Variants in PRUNE2 observed in about 807,000 individuals in gnomAD.
PRUNE2 encodes protein prune homolog 2.
PRUNE2 carries 164 observed loss-of-function variants against 252.0 expected under a neutral mutation model. The ratio of observed to expected loss-of-function variants is 0.65; its 90% confidence interval spans 0.57 to 0.74. The LOEUF is 0.74. PRUNE2 is among the 30% of genes least tolerant of loss of function. The pLI, the probability that PRUNE2 is intolerant of heterozygous loss-of-function variation, is 0.00. For missense variants in PRUNE2, 3,495 were observed against 3,711.0 expected (o/e 0.94, Z 1.51); for synonymous variants, 1,292 against 1,350.2 (o/e 0.96, Z 0.94).
intron 6 of PRUNE2, among the ~76,000 whole-genome samples, chr9:76,816,798 AG>A (rs1436435772): frequency 1.3e-5 from 2 of 152,232 alleles, no homozygotes; most frequent in African/African-American, 4.8e-5. Context: ...AAATTTGAAA[AG>A]GCTAAATCAC....
chr9:76,867,335 C>A (rs190400693), intron 1 of PRUNE2, among the ~76,000 whole-genome samples: 1 of 151,158 alleles, frequency 6.6e-6, no homozygotes, highest in African/African-American at 2.4e-5. Context: ...AAAGAAAAAA[C>A]GAACCGCATC....
intron 6 of PRUNE2, among the ~76,000 whole-genome samples, chr9:76,767,222 T>A (rs1295181918): frequency 1.3e-5 from 2 of 151,968 alleles, no homozygotes; most frequent in Non-Finnish European, 2.9e-5. Context: ...GAGGCCGAGG[T>A]GGGCAGATCA....
chr9:76,885,724 C>T (rs2062047166), intron 1 of PRUNE2, among the ~76,000 whole-genome samples: 1 of 152,122 alleles, frequency 6.6e-6, no homozygotes, highest in African/African-American at 2.4e-5. Context: ...TGACTCCACC[C>T]CTTCCTGCCT....
intron 1 of PRUNE2, among the ~76,000 whole-genome samples, chr9:76,894,757 C>T (rs1293825179): frequency 6.8e-6 from 1 of 146,470 alleles, no homozygotes; most frequent in African/African-American, 2.6e-5. Context: ...CGGTGGCTCA[C>T]ACCTGTAATC....
rs2046456009 is a variant in PRUNE2, at chr9:76,708,327, C to G, written c.3947G>C (p.Trp1316Ser). 1 of 1,613,740 alleles carries G rather than the reference C, an allele frequency of 6.2e-7. No homozygotes were observed. The change falls in exon 8 of 19, where the codon TGG (tryptophan) becomes TCG (serine). Residue 1316 changes from tryptophan (W) to serine (S), a missense_variant. By Grantham distance (177) the Trp-to-Ser change is radical. Transcript: ENST00000376718. ...ACTTTGTCCATCGCCATGACCTTTC[C>G]ATGGATCTGGGTGTGGAAAATACCC... ...NPGYFPHPDP[W>S]KGHGDGQSES...
At chr9:76,792,384 C>T (rs543352313) in intron 6 of PRUNE2, among the ~76,000 whole-genome samples, 1 of 152,292 alleles carries the variant, frequency 6.6e-6, no homozygotes, top group Non-Finnish European at 1.5e-5. Context: ...CTTTTATAAA[C>T]TACCCAATCT....
chr9:76,794,914 A>C (rs1465452397), intron 6 of PRUNE2, among the ~76,000 whole-genome samples: 1 of 152,190 alleles, frequency 6.6e-6, no homozygotes, highest in African/African-American at 2.4e-5. Flanking sequence ...CAATTATTAT[A>C]ATTATTATTA....
chr9:76,825,223 T>C (rs112050166), intron 5 of PRUNE2, among the ~76,000 whole-genome samples: 2 of 152,196 alleles, frequency 1.3e-5, no homozygotes, highest in African/African-American at 4.8e-5. Context: ...TGATTTGTAG[T>C]GTTTGTCAAT....
chr9:76,631,198 G>C (rs146265427), intron 15 of PRUNE2, among the ~76,000 whole-genome samples: 2 of 152,252 alleles, frequency 1.3e-5, no homozygotes, highest in African/African-American at 2.4e-5. Context: ...AGCTAAATAC[G>C]GTTTTGATAA....
chr9:76,628,033 A>C (rs771068422), intron 16 of PRUNE2, among the ~76,000 whole-genome samples: 4 of 152,270 alleles, frequency 2.6e-5, no homozygotes, highest in Admixed American at 1.3e-4. Context: ...ACATTTTGCT[A>C]TCCATTTTAT....
At chr9:76,715,224 T>A (rs2047046147) in intron 6 of PRUNE2, among the ~76,000 whole-genome samples, 2 of 152,188 alleles carry the variant, frequency 1.3e-5, no homozygotes, top group Non-Finnish European at 2.9e-5. Flanking sequence ...GGTCATTCTT[T>A]GAAACTCGTG....
chr9:76,796,150 T>C lies in PRUNE2; in HGVS notation c.756+27482A>G, dbSNP rs369037741. Among the ~76,000 whole-genome samples the C allele has an allele frequency of 6.6e-5, 10 of 152,332 alleles. No homozygotes were observed. In the East Asian group the frequency reaches 1.7e-3, roughly 26 times the overall value. On this transcript the variant is annotated intron_variant, in intron 6 of 18. Coordinates refer to ENST00000376718, the MANE Select transcript of PRUNE2 (RefSeq NM_015225.3). ...TGATCACTCATAAAATTTTGCCAGG[T>C]AAATTGCTTAAGAACGCACAGCACT...
At chr9:76,774,453 T>TTTTTATTTATTTATTTATTTTA (rs1554761597) in intron 6 of PRUNE2, among the ~76,000 whole-genome samples, 4 of 122,308 alleles carry the variant, frequency 3.3e-5, no homozygotes, top group East Asian at 4.9e-4. Context: ...TTCAACCCTT[T>TTTTTATTTATTTATTTATTTTA]TTTTTTTTTT....
intron 4 of PRUNE2, among the ~76,000 whole-genome samples, chr9:76,839,158 T>C (rs11791165): frequency 0.19 from 28,165 of 151,934 alleles, 3,354 homozygotes; most frequent in African/African-American, 0.32. Context: ...ATTAAAGTAT[T>C]ATAGCATTAA....
In PRUNE2 at chr9:76,663,075, A is replaced by C. The variant is rs530592661; in HGVS notation, c.8277-7573T>G. On this transcript the variant is annotated intron_variant, in intron 9 of 18. Transcript: ENST00000376718. ...GCTGCTCCATTTAAGCCAGCAGTAC[A>C]TGGCACCCTGTGAACCACAGAGTAC... Among the ~76,000 whole-genome samples, 71 of 152,372 alleles carry C rather than the reference A, an allele frequency of 4.7e-4. No individual in the cohort carries two copies. In the Middle Eastern group the frequency reaches 0.01, roughly 22 times the overall value.
chr9:76,903,159 GAC>G (rs2063281360), intron 1 of PRUNE2, among the ~76,000 whole-genome samples: 1 of 152,118 alleles, frequency 6.6e-6, no homozygotes, highest in African/African-American at 2.4e-5. Context: ...CAGAAAAAAA[GAC>G]ACACAATTTT....
At chr9:76,661,511 G>A (rs2133606296) in intron 9 of PRUNE2, among the ~76,000 whole-genome samples, 1 of 152,290 alleles carries the variant, frequency 6.6e-6, no homozygotes, top group Middle Eastern at 3.4e-3. Context: ...CCAAAGTGCT[G>A]GGATTACAGG....
chr9:76,776,508 T>C (rs922056660), intron 6 of PRUNE2, among the ~76,000 whole-genome samples: 3 of 149,078 alleles, frequency 2.0e-5, no homozygotes, highest in African/African-American at 7.4e-5. Context: ...TCTTTTTTTT[T>C]TTCTTTTTTC....
At chr9:76,700,231 A>G (rs1206129347) in intron 9 of PRUNE2, 1 of 152,208 alleles carries the variant, frequency 6.6e-6, no homozygotes, top group African/African-American at 2.4e-5. Flanking sequence ...CTGAGGCTGA[A>G]GGAGGGGAGG....
Sources: gnomAD v4.1 joint callset for allele counts (sites outside exome capture counted in the v4.1 genomes callset) on GRCh38, gnomAD v4.1.1 for gene constraint, MANE v1.5 for transcripts, NCBI Gene and HGNC (gene_info 2026-07-23, HGNC 2026-07-21) for gene names.